Variants in CFAP54 observed in about 807,000 individuals in gnomAD.
CFAP54 encodes cilia and flagella associated protein 54, also known as cilia- and flagella-associated protein 54.
Under a neutral mutation model 370.4 loss-of-function variants are expected in CFAP54, and 290 were observed. The ratio of observed to expected loss-of-function variants is 0.78; its 90% CI spans 0.71 to 0.86. The LOEUF is 0.86. Ranked by LOEUF, CFAP54 falls within the 40% of genes least tolerant of loss-of-function variation. The probability of loss-of-function intolerance (pLI) is 0.00; values close to 1 mark genes in which losing one functional copy is unlikely to be tolerated. For synonymous variants in CFAP54, 1,206 were observed against 1,236.5 expected (o/e 0.98, Z 0.52); for missense variants, 3,399 against 3,528.7 (o/e 0.96, Z 0.93).
At chr12:96,667,373 C>A (rs988851992) in intron 39 of CFAP54, among the ~76,000 whole-genome samples, 1 of 152,230 alleles carries the variant, frequency 6.6e-6, no homozygotes, top group Non-Finnish European at 1.5e-5. Context: ...GAGGGACCCA[C>A]CCCTGCAGGA....
At chr12:96,853,823 G>T (rs1026214327) in intron 66 of CFAP54, among the ~76,000 whole-genome samples, 5 of 151,956 alleles carry the variant, frequency 3.3e-5, no homozygotes, top group Non-Finnish European at 5.9e-5. Flanking sequence ...CTAATCTGTT[G>T]CTTTCACTCG....
intron 60 of CFAP54, among the ~76,000 whole-genome samples, chr12:96,777,438 C>T (rs1041680060): frequency 6.6e-6 from 1 of 151,984 alleles, no homozygotes; most frequent in African/African-American, 2.4e-5. Flanking sequence ...CAACCTCCGC[C>T]TCCCGGGTTC....
intron 24 of CFAP54, 37 bp downstream of exon 24, chr12:96,592,674 C>G: frequency 1.4e-6 from 1 of 711,278 alleles, no homozygotes. Flanking sequence ...ATGTCAGATT[C>G]ACTGTATTTT....
At chr12:96,869,792 G>GT (rs1426101959) in intron 67 of CFAP54, among the ~76,000 whole-genome samples, 1 of 151,766 alleles carries the variant, frequency 6.6e-6, no homozygotes, top group African/African-American at 2.4e-5. Flanking sequence ...AAAATTTGCT[G>GT]GGTGTGGTGG....
At chr12:96,617,789 G>A (rs1245320310) in intron 26 of CFAP54, among the ~76,000 whole-genome samples, 1 of 152,076 alleles carries the variant, frequency 6.6e-6, no homozygotes, top group African/African-American at 2.4e-5. Flanking sequence ...AGGAGATCAA[G>A]ACCATCCTGG....
chr12:96,708,943 T>A, intron 48 of CFAP54, 140 bp downstream of exon 48: 1 of 668,096 alleles, frequency 1.5e-6, no homozygotes, highest in Non-Finnish European at 2.5e-6. Context: ...CACACATATG[T>A]ACTTATGTCT....
At chr12:96,858,640 G>T (rs1047335856) in intron 66 of CFAP54, among the ~76,000 whole-genome samples, 1 of 152,014 alleles carries the variant, frequency 6.6e-6, no homozygotes, top group Admixed American at 6.6e-5. Context: ...AATACTGTTT[G>T]CAATTGCCAC....
intron 55 of CFAP54, among the ~76,000 whole-genome samples, chr12:96,752,566 A>G (rs1263804188): frequency 6.6e-6 from 1 of 152,092 alleles, no homozygotes. Context: ...TCCTACTTCC[A>G]TTCTCCTCTT....
At chr12:96,708,857 T>C (rs1439882168) in intron 48 of CFAP54, 54 bp downstream of exon 48, 2 of 1,386,364 alleles carry the variant, frequency 1.4e-6, no homozygotes, top group Admixed American at 2.1e-5. Context: ...CCCTAACTGT[T>C]CTCCCAGCCC....
At position 96,605,630 on chromosome 12, in the gene CFAP54, T is replaced by C. The variant is rs529710755; in HGVS notation, c.3639+6863T>C. Among the ~76,000 whole-genome samples, 17 of 149,930 alleles carry C rather than the reference T, an allele frequency of 1.1e-4. 1 individual carries two copies. The South Asian group carries it at 2.8e-3, about 24-fold the overall frequency. ...TTTCATTCCTTCATTCAATATGTAT[T>C]TACGATTACCTATTTGTGTCAGGCA... On this transcript the variant is annotated intron_variant, in intron 26 of 67. Coordinates refer to ENST00000524981, the MANE Select transcript of CFAP54 (RefSeq NM_001306084.2).
At chr12:96,701,778 A>C (rs1461430360) in intron 46 of CFAP54, among the ~76,000 whole-genome samples, 1 of 152,076 alleles carries the variant, frequency 6.6e-6, no homozygotes, top group Non-Finnish European at 1.5e-5. Flanking sequence ...AATGAGGAGG[A>C]GGAGGAGGAG....
intron 5 of CFAP54, among the ~76,000 whole-genome samples, chr12:96,516,000 C>A (rs1955229182): frequency 6.7e-6 from 1 of 148,804 alleles, no homozygotes; most frequent in South Asian, 2.1e-4. Flanking sequence ...ACTGCAAGCT[C>A]CACCTCCCGG....
intron 50 of CFAP54, 57 bp from the exon 51 acceptor site, chr12:96,739,899 C>A (rs2136639210): frequency 9.5e-7 from 1 of 1,048,210 alleles, no homozygotes. Flanking sequence ...TAGGAAATAA[C>A]ATACAGATGC....
At chr12:96,779,122 A>C (rs1163491463) in intron 60 of CFAP54, among the ~76,000 whole-genome samples, 2 of 151,678 alleles carry the variant, frequency 1.3e-5, no homozygotes, top group Non-Finnish European at 2.9e-5. Context: ...AAAAAAAAAA[A>C]AAACCCACAA....
At chr12:96,659,953 G>C (rs1762337416) in intron 38 of CFAP54, among the ~76,000 whole-genome samples, 1 of 152,304 alleles carries the variant, frequency 6.6e-6, no homozygotes, top group Admixed American at 6.5e-5. Flanking sequence ...CTGAGTTCCT[G>C]TTTCATAAAG....
chr12:96,800,935 A>G (rs983399762), intron 63 of CFAP54, among the ~76,000 whole-genome samples: 2 of 152,224 alleles, frequency 1.3e-5, no homozygotes, highest in African/African-American at 4.8e-5. Flanking sequence ...GCATGGTGCC[A>G]TATTGAGTCC....
intron 66 of CFAP54, among the ~76,000 whole-genome samples, chr12:96,842,129 A>G (rs552383909): frequency 6.6e-6 from 1 of 152,342 alleles, no homozygotes; most frequent in Admixed American, 6.5e-5. Context: ...TCAAAGAGTA[A>G]ATGACCATTT....
At chr12:96,640,452 C>T (rs1036872381) in intron 32 of CFAP54, among the ~76,000 whole-genome samples, 2 of 152,152 alleles carry the variant, frequency 1.3e-5, no homozygotes, top group Non-Finnish European at 2.9e-5. Context: ...GAGAACATTC[C>T]ATGCTTATGG....
At chr12:96,797,067 T>A (rs546315635) in intron 63 of CFAP54, among the ~76,000 whole-genome samples, 1 of 152,310 alleles carries the variant, frequency 6.6e-6, no homozygotes, top group East Asian at 1.9e-4. Flanking sequence ...TGTAAAATTT[T>A]CATTACGATT....
Sources: gnomAD v4.1 joint callset for allele counts (sites outside exome capture counted in the v4.1 genomes callset) on GRCh38, gnomAD v4.1.1 for gene constraint, MANE v1.5 for transcripts, NCBI Gene and HGNC (gene_info 2026-07-23, HGNC 2026-07-21) for gene names.